The following HMCN2 variants were observed in gnomAD, a reference collection of about 807,000 sequenced individuals.
HMCN2 encodes the protein hemicentin-2.
Under a neutral mutation model 377.5 loss-of-function variants are expected in HMCN2, and 325 were observed. The observed-to-expected ratio is 0.86, with a 90% CI of 0.79 to 0.94. HMCN2 has a LOEUF of 0.94. Ranked by LOEUF, HMCN2 falls within the 40% of genes least tolerant of loss-of-function variation. The pLI is 0.00. For synonymous variants in HMCN2, 2,007 were observed against 2,046.8 expected, an observed-to-expected ratio of 0.98 and a Z score of 0.53; for missense variants, 4,543 against 4,725.3, an observed-to-expected ratio of 0.96 and a Z score of 1.13.
In HMCN2 at chr9:130,432,526, T is replaced by C. The variant is rs1383600594; in HGVS notation, c.14865T>C (p.Pro4955=). 1.3e-6 allele frequency: 2 copies of C among 1,550,628 alleles called. No individual in the cohort carries two copies. The highest frequency in any genetic ancestry group is 1.7e-6 in the Non-Finnish European group (2 of 1,146,992). Residue 4955 remains proline (P), a synonymous_variant, in exon 97 of 98, where the codon CCT becomes CCC. Coordinates refer to ENST00000683500, the MANE Select transcript of HMCN2 (RefSeq NM_001291815.2). The part of the protein sequence containing the change: ...GSYQCVDTPC[P]ATYRQGPSPG... ...ACCAGTGTGTGGACACACCCTGTCC[T>C]GCCACCTACCGGCAGGGCCCCAGCC...
chr9:130,380,557 TGGGA>T (rs1395573010), intron 54 of HMCN2, among the ~76,000 whole-genome samples: 1 of 151,926 alleles, frequency 6.6e-6, no homozygotes, highest in Non-Finnish European at 1.5e-5. Context: ...GAGGCTGAGG[TGGGA>T]GGATCGCTTG....
At chr9:130,285,673 C>G (rs1382991301) in intron 3 of HMCN2, among the ~76,000 whole-genome samples, 1 of 152,220 alleles carries the variant, frequency 6.6e-6, no homozygotes, top group Non-Finnish European at 1.5e-5. Flanking sequence ...TCCCCTTTGC[C>G]ATTGTCTCAG....
At chr9:130,364,284 A>G (rs1297109388) in intron 40 of HMCN2, among the ~76,000 whole-genome samples, 1 of 152,064 alleles carries the variant, frequency 6.6e-6, no homozygotes, top group Non-Finnish European at 1.5e-5. Flanking sequence ...GCAGGATTCC[A>G]CCCCATGAGT....
At chr9:130,286,926 T>C (rs1259822337) in intron 4 of HMCN2, among the ~76,000 whole-genome samples, 2 of 152,050 alleles carry the variant, frequency 1.3e-5, no homozygotes, top group Non-Finnish European at 1.5e-5. Flanking sequence ...ATCATCCTGT[T>C]CAGGGCTGTC....
At position 130,377,692 on chromosome 9, in the gene HMCN2, G is replaced by C; in HGVS notation, c.8105G>C (p.Arg2702Pro). The C allele has an allele frequency of 2.0e-6, 2 of 985,930 alleles. No individual in the cohort carries two copies. The highest frequency in any genetic ancestry group is 4.7e-5 in the South Asian group (1 of 21,290). 61.1% of individuals were successfully genotyped at this position (985,930 alleles called of 1,614,324 possible). A position where few individuals can be genotyped will look rare whatever the true frequency, so the allele number is the denominator to read the frequency against. ...CGGCTGCAGGTCCTGGGTGAAGGGC[G>C]ACTGCTCCAGATCCAGCCCACACAG... ...SSRLQVLGEG[R>P]LLQIQPTQVS... is the part of the protein sequence containing the mutation. Residue 2702 changes from arginine to proline, a missense_variant, in exon 53 of 98, where the codon CGA becomes CCA. This residue lies in a region of HMCN2 where 736 missense variants were observed against 773.2 expected (regional missense o/e 0.95). Coordinates refer to ENST00000683500, the MANE Select transcript of HMCN2 (RefSeq NM_001291815.2).
Position 130,278,915 on chromosome 9 carries a change from T to G in HMCN2, c.260-5688T>G, listed in dbSNP as rs1291106688. Among the ~76,000 whole-genome samples, 10 of 150,556 alleles carry G rather than the reference T, an allele frequency of 6.6e-5. No homozygotes were observed. The East Asian group carries it at 2.0e-3, about 30-fold the overall frequency. On this transcript the variant is annotated intron_variant, in intron 1 of 97. Coordinates refer to ENST00000683500, the MANE Select transcript of HMCN2 (RefSeq NM_001291815.2). The stretch of plus-strand genomic sequence containing the variant: ...ATTTTCTTTTTCTTTTTTTTTTTTT[T>G]TGAGACGGAGTCTCACTCTGTTGCT...
In HMCN2 at chr9:130,393,077, C is replaced by A; in HGVS notation, c.10137-135C>A. The A allele has an allele frequency of 2.6e-6, 1 of 390,542 alleles. No individual in the cohort carries two copies. Among genetic ancestry groups the A allele is most frequent in the Non-Finnish European group, 3.5e-6 (1 of 285,442 alleles). The allele number at this position is 390,542 out of a possible 1,614,324, so 24.2% of individuals were successfully genotyped here. A position where few individuals can be genotyped will look rare whatever the true frequency, so the allele number is the denominator to read the frequency against. ...CACCCCGCCCCCTCTGGCCAGCAAG[C>A]TCTTGGGAGACAAAGGTTGGAAAAG... On this transcript the variant is annotated intron_variant, in intron 66 of 97. Coordinates refer to ENST00000683500, the MANE Select transcript of HMCN2 (RefSeq NM_001291815.2). This position sits in a 1 kb window ranked among gnomAD's most constrained non-coding sequence, Gnocchi z 5.2.
chr9:130,433,015 G>T (rs1844856560), intron 97 of HMCN2: 1 of 390,274 alleles, frequency 2.6e-6, no homozygotes, highest in Non-Finnish European at 4.6e-6. Flanking sequence ...CTCCAACCCC[G>T]CCCCCGCAGG....
rs994610040 is a variant in HMCN2, at chr9:130,336,538, C to T, written c.3360-1356C>T. 8.8e-4 allele frequency among the ~76,000 whole-genome samples: 134 copies of T among 152,234 alleles called. 1 individual carries two copies. The highest frequency in any genetic ancestry group is 3.1e-3 in the African/African-American group (128 of 41,544). ...CACAGGAAGGGTGAGGTGACTTGCCCAACCTCACACAGCTAGCGCATGGCC... is the reference window on the plus strand; with the variant it reads ...CACAGGAAGGGTGAGGTGACTTGCCTAACCTCACACAGCTAGCGCATGGCC... On this transcript the variant is annotated intron_variant, in intron 22 of 97. Transcript: ENST00000683500.
Position 130,403,338 on chromosome 9 carries a change from C to A in HMCN2, c.12013+10C>A. On this transcript the variant is annotated intron_variant, in intron 79 of 97. Transcript: ENST00000683500. The stretch of plus-strand genomic sequence containing the variant: ...CTCAACGTCGCTACTGGTGAGGGCC[C>A]CTGGCAGCCAGCCTGGGAAGGGAAG... 1 of 1,289,772 alleles carries A rather than the reference C, an allele frequency of 7.8e-7. No homozygotes were observed. 79.9% of individuals were successfully genotyped at this position (1,289,772 alleles called of 1,614,324 possible).
In HMCN2 at chr9:130,359,364, A is replaced by T. The variant is rs1389732716; in HGVS notation, c.5723A>T (p.Glu1908Val). 7.7e-7 allele frequency: 1 copy of T among 1,303,810 alleles called. No homozygotes were observed. Among genetic ancestry groups the T allele is most frequent in the East Asian group, 5.6e-5 (1 of 17,980 alleles). 80.8% of individuals were successfully genotyped at this position (1,303,810 alleles called of 1,614,324 possible). ...EPGPVNKAVL[E>V]NASVTLECLA... Reference sequence around the variant, plus strand: ...GGCCCAGTCAACAAGGCAGTGCTGGAAAATGCCTCAGTGACCTTGGAGTGT... The same window carrying T: ...GGCCCAGTCAACAAGGCAGTGCTGGTAAATGCCTCAGTGACCTTGGAGTGT... Residue 1908 changes from glutamate to valine, a missense_variant, in exon 37 of 98, where the codon GAA (glutamate) becomes GTA (valine). Physicochemically the swap from Glu to Val is moderately radical, Grantham distance 121. Coordinates refer to ENST00000683500, the MANE Select transcript of HMCN2 (RefSeq NM_001291815.2).
At chr9:130,374,729 TGGAG>T (rs2131610792) in intron 49 of HMCN2, 36 bp downstream of exon 49, 1 of 975,182 alleles carries the variant, frequency 1.0e-6, no homozygotes, top group South Asian at 4.7e-5. Context: ...CCGCGGGTGC[TGGAG>T]GGAGGGAGAA....
chr9:130,433,980 G>C lies in HMCN2; in HGVS notation c.*287G>C. The C allele has an allele frequency of 2.8e-6, 1 of 354,996 alleles. No individual in the cohort carries two copies. The highest frequency in any genetic ancestry group is 5.0e-6 in the Non-Finnish European group (1 of 198,626). The allele number at this position is 354,996 out of a possible 1,614,324, so 22.0% of individuals were successfully genotyped here. On this transcript the variant is annotated 3_prime_UTR_variant, in exon 98 of 98. Transcript: ENST00000683500. ...CCAGGTCTGATCCGCCCCTCAGTGG[G>C]AGCGGGACAGGGACACAGGGCACCT... is the stretch of plus-strand genomic sequence containing the variant.
intron 17 of HMCN2, 23 bp downstream of exon 17, chr9:130,320,474 C>CGTGGGAG (rs1440945011): frequency 7.9e-5 from 12 of 152,364 alleles, no homozygotes; most frequent in African/African-American, 1.9e-4. Flanking sequence ...ATCTGAGGGC[C>CGTGGGAG]GTGGGAGGTG....
At chr9:130,319,145 C>T (rs1328645791) in intron 15 of HMCN2, among the ~76,000 whole-genome samples, 3 of 152,130 alleles carry the variant, frequency 2.0e-5, no homozygotes, top group East Asian at 1.9e-4. Context: ...CCTATGTCAG[C>T]GGGTCACAAT....
At chr9:130,416,356 C>T (rs1322257138) in intron 85 of HMCN2, among the ~76,000 whole-genome samples, 7 of 152,132 alleles carry the variant, frequency 4.6e-5, no homozygotes, top group African/African-American at 1.7e-4. Context: ...CCACCCGCCT[C>T]GGCCTCCCAA....
intron 37 of HMCN2, 118 bp downstream of exon 37, chr9:130,359,532 T>TC (rs987819391): frequency 3.1e-5 from 12 of 389,026 alleles, no homozygotes; most frequent in African/African-American, 6.4e-5. Context: ...ATCAGGTCTT[T>TC]CCCCCCCGTT....
intron 15 of HMCN2, among the ~76,000 whole-genome samples, chr9:130,312,146 G>A (rs1837277394): frequency 6.6e-6 from 1 of 152,174 alleles, no homozygotes; most frequent in Non-Finnish European, 1.5e-5. Context: ...TCACACAGCT[G>A]GCGAGTGGCA....
rs1014834437 is a variant in HMCN2, at chr9:130,341,116, C to G, written c.3493C>G (p.Pro1165Ala). 2.0e-5 allele frequency: 3 copies of G among 152,702 alleles called. No individual in the cohort carries two copies. Among genetic ancestry groups the G allele is most frequent in the African/African-American group, 7.2e-5 (3 of 41,472 alleles). 9.5% of individuals were successfully genotyped at this position (152,702 alleles called of 1,614,324 possible). ...HRYVLGVQVP[P>A]QVQPGPRVLK... ...CCCCTCCTGTGGCCCCTCAGTCCCC[C>G]CTCAGGTGCAGCCAGGCCCTCGGGT... is the stretch of plus-strand genomic sequence containing the variant. The change falls in exon 24 of 98, where the codon CCT (proline) becomes GCT (alanine). Residue 1165 changes from proline (P) to alanine (A), a missense_variant. Pro to Ala is a conservative substitution (Grantham distance 27). Around this residue, in one of 5 missense-constraint regions of HMCN2, gnomAD observed 547 missense variants for 189.9 expected, o/e 2.88. Coordinates refer to ENST00000683500, the MANE Select transcript of HMCN2 (RefSeq NM_001291815.2).
Sources: allele counts gnomAD v4.1 joint callset (sites outside exome capture counted in the v4.1 genomes callset), GRCh38; gene constraint gnomAD v4.1.1; regional missense constraint gnomAD v4.1.1; non-coding constraint Gnocchi (gnomAD v3.1); transcripts MANE v1.5; gene names NCBI Gene and HGNC (gene_info 2026-07-23, HGNC 2026-07-21).